Variants in CNTN4 observed in about 807,000 individuals in gnomAD.
CNTN4 encodes the protein contactin 4.
CNTN4 carries 77 observed loss-of-function variants against 122.5 expected under a neutral mutation model. The ratio of observed to expected loss-of-function variants is 0.63; its 90% confidence interval spans 0.52 to 0.76. CNTN4 has a LOEUF of 0.76. CNTN4 is among the 30% of genes least tolerant of loss of function. The probability of loss-of-function intolerance (pLI) is 0.00; values close to 1 mark genes in which losing one functional copy is unlikely to be tolerated. For synonymous variants in CNTN4, 512 were observed against 447.0 expected, an observed-to-expected ratio of 1.15 and a Z score of -1.83; for missense variants, 1,256 against 1,259.1, an observed-to-expected ratio of 1.00 and a Z score of 0.04.
At chr3:2,887,541 T>C (rs1404753806) in intron 10 of CNTN4, among the ~76,000 whole-genome samples, 4 of 152,192 alleles carry the variant, frequency 2.6e-5, no homozygotes, top group Non-Finnish European at 5.9e-5. Flanking sequence ...AGGAAACGTT[T>C]TATTATTCCT....
At chr3:2,397,940 A>G (rs894962600) in intron 3 of CNTN4, among the ~76,000 whole-genome samples, 1 of 152,272 alleles carries the variant, frequency 6.6e-6, no homozygotes, top group Admixed American at 6.5e-5. Flanking sequence ...GGTCTAAGAA[A>G]ATGAAGAGTG....
intron 3 of CNTN4, among the ~76,000 whole-genome samples, chr3:2,402,454 A>G (rs1238975803): frequency 6.6e-6 from 1 of 152,114 alleles, no homozygotes; most frequent in African/African-American, 2.4e-5. Flanking sequence ...AAAGGGGTAC[A>G]TGGGATATTT....
chr3:2,480,077 ATAAGAACTCTCTGCAAAC>A (rs1181302127), intron 3 of CNTN4, among the ~76,000 whole-genome samples: 1 of 152,164 alleles, frequency 6.6e-6, no homozygotes, highest in Non-Finnish European at 1.5e-5. Context: ...CTCATTCATG[ATAAGAACTCTCTGCAAAC>A]TAAGAATAGA....
chr3:2,275,185 A>G (rs747273430), intron 2 of CNTN4, among the ~76,000 whole-genome samples: 9 of 152,216 alleles, frequency 5.9e-5, no homozygotes, highest in Non-Finnish European at 1.3e-4. Context: ...TTAATTATGA[A>G]TATATCAGCT....
At chr3:2,557,947 TC>T (rs1330491005) in intron 3 of CNTN4, among the ~76,000 whole-genome samples, 2 of 152,164 alleles carry the variant, frequency 1.3e-5, no homozygotes, top group Admixed American at 1.3e-4. Context: ...ACTTTTATGA[TC>T]CTTGAACTTT....
At chr3:2,919,553 T>C (rs1418407285) in intron 12 of CNTN4, among the ~76,000 whole-genome samples, 2 of 152,190 alleles carry the variant, frequency 1.3e-5, no homozygotes, top group African/African-American at 2.4e-5. Flanking sequence ...TACTATTTCC[T>C]AGCTACTGAA....
chr3:2,925,375 G>A (rs1259117202), intron 12 of CNTN4, among the ~76,000 whole-genome samples: 8 of 152,056 alleles, frequency 5.3e-5, no homozygotes, highest in Non-Finnish European at 1.2e-4. Context: ...CCAACATGGT[G>A]AAACGCCATC....
chr3:2,523,889 T>C (rs1473769496), intron 3 of CNTN4, among the ~76,000 whole-genome samples: 1 of 152,088 alleles, frequency 6.6e-6, no homozygotes, highest in Non-Finnish European at 1.5e-5. Flanking sequence ...ATTTGAAATT[T>C]CTATTGTAAA....
chr3:2,370,154 C>T (rs2045579105), intron 3 of CNTN4, among the ~76,000 whole-genome samples: 3 of 152,226 alleles, frequency 2.0e-5, no homozygotes, highest in African/African-American at 4.8e-5. Flanking sequence ...CAACTGAATT[C>T]ACAGCCTGAG....
intron 14 of CNTN4, among the ~76,000 whole-genome samples, chr3:3,011,878 A>G: frequency 1.3e-5 from 1 of 74,292 alleles, no homozygotes; most frequent in African/African-American, 3.8e-5. Context: ...AGAGACTTCC[A>G]TGATGATGAT....
At chr3:2,947,496 A>T (rs62232844) in intron 13 of CNTN4, among the ~76,000 whole-genome samples, 11,318 of 152,292 alleles carry the variant, frequency 0.074, 478 homozygotes, top group Middle Eastern at 0.13. Flanking sequence ...TCTGGACAAG[A>T]ACCTAGTTCC....
Position 3,043,050 on chromosome 3 carries a change from C to T in CNTN4, c.2585C>T (p.Thr862Ile). 6.2e-7 allele frequency: 1 copy of T among 1,614,088 alleles called. No homozygotes were observed. The stretch of plus-strand genomic sequence containing the variant: ...CGAACAGTTGGAAATCAGACATCAA[C>T]AAAAATCACGAACTTAAAAGGCAGT... ...KIRTVGNQTS[T>I]KITNLKGSVL... The change falls in exon 22 of 25, where the codon ACA (threonine) becomes ATA (isoleucine). Residue 862 changes from threonine (T) to isoleucine (I), a missense_variant. By Grantham distance (89) the Thr-to-Ile change is moderately conservative (BLOSUM62 -1). Coordinates refer to ENST00000418658, the MANE Select transcript of CNTN4 (RefSeq NM_175607.3).
chr3:2,561,791 T>A, intron 3 of CNTN4, among the ~76,000 whole-genome samples: 1 of 152,152 alleles, frequency 6.6e-6, no homozygotes, highest in East Asian at 1.9e-4. Flanking sequence ...AAGCCAATGA[T>A]CTCATTGCCA....
intron 3 of CNTN4, among the ~76,000 whole-genome samples, chr3:2,472,994 G>T (rs2075730236): frequency 6.6e-6 from 1 of 152,076 alleles, no homozygotes. Context: ...AGTACTTTGG[G>T]AGGCCGAAGC....
intron 3 of CNTN4, among the ~76,000 whole-genome samples, chr3:2,406,390 G>A (rs1202892149): frequency 6.6e-6 from 1 of 152,110 alleles, no homozygotes; most frequent in Non-Finnish European, 1.5e-5. Flanking sequence ...TAACATGAAG[G>A]ACACTCTATA....
chr3:2,810,067 CA>C, intron 6 of CNTN4, among the ~76,000 whole-genome samples: 1 of 152,130 alleles, frequency 6.6e-6, no homozygotes, highest in Non-Finnish European at 1.5e-5. Context: ...AACAGACCAT[CA>C]AAAAGTATGG....
intron 11 of CNTN4, among the ~76,000 whole-genome samples, chr3:2,902,005 T>C (rs1214997135): frequency 1.3e-5 from 2 of 152,206 alleles, no homozygotes; most frequent in East Asian, 3.8e-4. Flanking sequence ...TTTCTGGGTT[T>C]ATTCAAAAAC....
chr3:2,381,909 G>T (rs1250208404), intron 3 of CNTN4, among the ~76,000 whole-genome samples: 1 of 152,038 alleles, frequency 6.6e-6, no homozygotes, highest in Non-Finnish European at 1.5e-5. Context: ...AATTGTCTCT[G>T]TAGAGCTGTG....
At chr3:2,263,220 G>GTATTTGGTGTTAT in intron 2 of CNTN4, among the ~76,000 whole-genome samples, 1 of 151,902 alleles carries the variant, frequency 6.6e-6, no homozygotes, top group Non-Finnish European at 1.5e-5. Context: ...ACTGTTGCTG[G>GTATTTGGTGTTAT]GTAGATTGTG....
Sources: allele counts gnomAD v4.1 joint callset (sites outside exome capture counted in the v4.1 genomes callset), GRCh38; gene constraint gnomAD v4.1.1; transcripts MANE v1.5; gene names NCBI Gene and HGNC (gene_info 2026-07-23, HGNC 2026-07-21).